The following EYS variants were observed in gnomAD, a reference collection of about 807,000 sequenced individuals.
EYS encodes protein eyes shut homolog.
In EYS, 250 loss-of-function variants were observed where a neutral mutation model predicts 282.1. The observed-to-expected ratio is 0.89, with a 90% CI of 0.80 to 0.98. EYS has a LOEUF of 0.98. Among genes scored for constraint, EYS ranks in the 50% least tolerant of loss-of-function variants. EYS has a pLI of 0.00. For missense variants in EYS, 4,016 were observed against 3,709.0 expected (o/e 1.08, Z -2.15); for synonymous variants, 1,355 against 1,282.9 (o/e 1.06, Z -1.20).
At chr6:64,466,074 G>T (rs76143269) in intron 26 of EYS, among the ~76,000 whole-genome samples, 1,843 of 152,106 alleles carry the variant, frequency 0.012, 26 homozygotes, top group African/African-American at 0.042. Flanking sequence ...CTGTTAGAAT[G>T]GTTATTATCT....
chr6:64,706,761 C>A (rs775790872), intron 22 of EYS, among the ~76,000 whole-genome samples: 87 of 152,048 alleles, frequency 5.7e-4, no homozygotes, highest in Admixed American at 1.0e-3. Flanking sequence ...AACCACAATA[C>A]AATACCATCT....
rs74729847 is a variant in EYS at position 65,108,264 on chromosome 6, T to A, written c.2024-50537A>T. On this transcript the variant is annotated intron_variant, in intron 12 of 42. Coordinates refer to ENST00000503581, the MANE Select transcript of EYS (RefSeq NM_001142800.2). Reference sequence around the variant, plus strand: ...CTTGGTTACGGAAAGATATTTATTCTGTATAGAATTTGAGGTTGACTTTAA... The same window carrying A: ...CTTGGTTACGGAAAGATATTTATTCAGTATAGAATTTGAGGTTGACTTTAA... Among the ~76,000 whole-genome samples the A allele has an allele frequency of 1.7e-3, 263 of 151,726 alleles. 2 individuals are homozygous for A. The highest frequency in any genetic ancestry group is 6.1e-3 in the African/African-American group (253 of 41,272).
At chr6:63,756,426 G>A (rs1266176156) in intron 41 of EYS, among the ~76,000 whole-genome samples, 8 of 152,088 alleles carry the variant, frequency 5.3e-5, no homozygotes, top group African/African-American at 9.7e-5. Context: ...GATGGTTTAC[G>A]TTTATTGATT....
chr6:63,863,145 A>G (rs1422825282), intron 36 of EYS, among the ~76,000 whole-genome samples: 1 of 152,252 alleles, frequency 6.6e-6, no homozygotes, highest in Non-Finnish European at 1.5e-5. Context: ...CAAATATCAC[A>G]AGTGTCAAAG....
At chr6:64,029,471 A>T (rs999847312) in intron 33 of EYS, among the ~76,000 whole-genome samples, 2 of 152,192 alleles carry the variant, frequency 1.3e-5, no homozygotes, top group African/African-American at 4.8e-5. Context: ...ACAACCGCCT[A>T]CTTAGATACC....
intron 26 of EYS, among the ~76,000 whole-genome samples, chr6:64,534,172 A>C (rs1764444116): frequency 6.6e-6 from 1 of 151,858 alleles, no homozygotes; most frequent in African/African-American, 2.4e-5. Context: ...TAGATCTCTA[A>C]ATTATAAAAA....
rs567797351 is a variant in EYS at position 63,848,443 on chromosome 6, G to A, written c.7228+15743C>T. On this transcript the variant is annotated intron_variant, in intron 36 of 42. Transcript: ENST00000503581. Reference sequence around the variant, plus strand: ...GTCTGCAGCTCCCAGCAAGACCAACGGAGAAGGCGGGTGATATTTCTGCAC... The same window carrying A: ...GTCTGCAGCTCCCAGCAAGACCAACAGAGAAGGCGGGTGATATTTCTGCAC... 3.9e-4 allele frequency among the ~76,000 whole-genome samples: 60 copies of A among 152,002 alleles called. 1 individual carries two copies. The highest frequency in any genetic ancestry group is 2.5e-3 in the South Asian group (12 of 4,804).
intron 29 of EYS, among the ~76,000 whole-genome samples, chr6:64,345,383 C>T (rs998886003): frequency 2.9e-4 from 44 of 152,164 alleles, no homozygotes; most frequent in African/African-American, 1.1e-3. Flanking sequence ...ACAGAGCCCT[C>T]AGAAATAATG....
intron 22 of EYS, among the ~76,000 whole-genome samples, chr6:64,771,361 A>G (rs1271895232): frequency 6.6e-6 from 1 of 151,524 alleles, no homozygotes; most frequent in Non-Finnish European, 1.5e-5. Context: ...TTTTGTCATT[A>G]CTTTATATGT....
rs144576950 is a variant in EYS at position 64,044,611 on chromosome 6, C to G, written c.6725+21727G>C. 2.0e-4 allele frequency among the ~76,000 whole-genome samples: 31 copies of G among 152,288 alleles called. No homozygotes were observed. In the East Asian group the frequency reaches 5.8e-3, roughly 28 times the overall value. The stretch of plus-strand genomic sequence containing the variant: ...ATGTAGTTATGAAAATGTATTTGCC[C>G]TTTGGTCTTCGACATTCCCCACACA... On this transcript the variant is annotated intron_variant, in intron 33 of 42. Coordinates refer to ENST00000503581, the MANE Select transcript of EYS (RefSeq NM_001142800.2).
chr6:64,491,325 T>G (rs1776731949), intron 26 of EYS, among the ~76,000 whole-genome samples: 1 of 150,838 alleles, frequency 6.6e-6, no homozygotes, highest in African/African-American at 2.4e-5. Flanking sequence ...GACCATCTTA[T>G]CTTAGAAAAA....
At chr6:63,969,687 G>A (rs1463376937) in intron 35 of EYS, among the ~76,000 whole-genome samples, 1 of 152,074 alleles carries the variant, frequency 6.6e-6, no homozygotes, top group Non-Finnish European at 1.5e-5. Flanking sequence ...CATGTCTGTG[G>A]GGACTGGACA....
chr6:64,074,829 T>C (rs867191779), intron 32 of EYS, among the ~76,000 whole-genome samples: 22 of 151,902 alleles, frequency 1.4e-4, no homozygotes, highest in African/African-American at 5.3e-4. Context: ...AACACTTACA[T>C]AGATATACAT....
intron 29 of EYS, among the ~76,000 whole-genome samples, chr6:64,351,358 T>C (rs1018789581): frequency 7.3e-5 from 11 of 151,514 alleles, no homozygotes; most frequent in Non-Finnish European, 1.3e-4. Flanking sequence ...CTAAACCAAG[T>C]AGTATTCAGA....
At chr6:65,592,917 AC>A (rs1765281723) in intron 2 of EYS, among the ~76,000 whole-genome samples, 1 of 151,980 alleles carries the variant, frequency 6.6e-6, no homozygotes, top group Non-Finnish European at 1.5e-5. Context: ...ATCCTTCTCT[AC>A]CACATAGCAC....
At chr6:64,315,276 T>C (rs148583289) in intron 29 of EYS, among the ~76,000 whole-genome samples, 98 of 152,264 alleles carry the variant, frequency 6.4e-4, no homozygotes, top group African/African-American at 2.0e-3. Context: ...CAGTAATTAA[T>C]AGCCTACCAA....
In EYS at chr6:63,720,301, G is replaced by A. The variant is rs1768322031; in HGVS notation, c.*295C>T. ...TTTACACGTTGATTTTAAAATGTAA[G>A]CATTAGGGATAGGTAAAAAGTGAAT... On this transcript the variant is annotated 3_prime_UTR_variant, in exon 43 of 43. Transcript: ENST00000503581. 2.6e-6 allele frequency: 1 copy of A among 381,500 alleles called. No homozygotes were observed. Among genetic ancestry groups the A allele is most frequent in the South Asian group, 1.3e-4 (1 of 7,750 alleles). 23.6% of individuals were successfully genotyped at this position (381,500 alleles called of 1,614,324 possible).
chr6:64,675,908 A>G (rs1769644586), intron 22 of EYS, among the ~76,000 whole-genome samples: 1 of 150,888 alleles, frequency 6.6e-6, no homozygotes, highest in Admixed American at 6.6e-5. Flanking sequence ...TGTTGAGAAG[A>G]TTAAATGGCT....
At chr6:64,016,969 C>T (rs1315366606) in intron 33 of EYS, among the ~76,000 whole-genome samples, 2 of 152,086 alleles carry the variant, frequency 1.3e-5, no homozygotes, top group Admixed American at 6.6e-5. Context: ...CTCCCTTCTT[C>T]CTGTCTCCTT....
Sources: allele counts gnomAD v4.1 joint callset (sites outside exome capture counted in the v4.1 genomes callset), GRCh38; gene constraint gnomAD v4.1.1; transcripts MANE v1.5; gene names NCBI Gene and HGNC (gene_info 2026-07-23, HGNC 2026-07-21).